The following SPATA13 variants were observed in gnomAD, a reference collection of about 807,000 sequenced individuals.
The protein encoded by SPATA13 is spermatogenesis associated 13.
A neutral mutation model predicts 104.0 loss-of-function variants in SPATA13; 50 were observed. That is an observed-to-expected ratio of 0.48 (90% CI 0.38 to 0.61). SPATA13 has a LOEUF of 0.61. Among genes scored for constraint, SPATA13 ranks in the 20% least tolerant of loss-of-function variants. The probability of loss-of-function intolerance (pLI) is 0.00; values close to 1 mark genes in which losing one functional copy is unlikely to be tolerated. For synonymous variants in SPATA13, 606 were observed against 667.5 expected (o/e 0.91, Z 1.42); for missense variants, 1,524 against 1,690.6 (o/e 0.90, Z 1.73).
rs10625714 is a variant in SPATA13 at position 24,247,478 on chromosome 13, C to CTTTTTTTTTTTTTTTT, written c.1654-1995_1654-1980dup. On this transcript the variant is annotated intron_variant, in intron 2 of 12. Transcript: ENST00000382108. The stretch of plus-strand genomic sequence containing the variant: ...CACTGTGCTCTTTGCTCCACATTCA[C>CTTTTTTTTTTTTTTTT]TTTTTTTTTTTTTTTTTTTGAGACA... 3.0e-4 allele frequency among the ~76,000 whole-genome samples: 26 copies of CTTTTTTTTTTTTTTTT among 87,122 alleles called. 2 individuals carry two copies. Among genetic ancestry groups the CTTTTTTTTTTTTTTTT allele is most frequent in the East Asian group, 9.1e-4 (2 of 2,190 alleles). 57.2% of individuals were successfully genotyped at this position (87,122 alleles called of 152,430 possible). A position where few individuals can be genotyped will look rare whatever the true frequency, so the allele number is the denominator to read the frequency against.
At chr13:24,282,867 C>T (rs1875647911) in intron 4 of SPATA13, among the ~76,000 whole-genome samples, 2 of 152,238 alleles carry the variant, frequency 1.3e-5, no homozygotes, top group South Asian at 4.1e-4. Context: ...CCCATGCCCA[C>T]AGAAGGGCAG....
At chr13:24,116,713 A>G (rs1880851311) in intron 3 of SPATA13, among the ~76,000 whole-genome samples, 1 of 151,134 alleles carries the variant, frequency 6.6e-6, no homozygotes. Context: ...TTAGGGGTTC[A>G]CCATTGCCAT....
At chr13:24,135,154 A>T (rs1310539659) in intron 3 of SPATA13, among the ~76,000 whole-genome samples, 1 of 152,188 alleles carries the variant, frequency 6.6e-6, no homozygotes, top group Non-Finnish European at 1.5e-5. Flanking sequence ...TTTCTATTGT[A>T]TAAGCCACCT....
At chr13:24,037,560 C>T (rs1337309153) in intron 3 of SPATA13, among the ~76,000 whole-genome samples, 1 of 150,208 alleles carries the variant, frequency 6.7e-6, no homozygotes, top group East Asian at 2.0e-4. Flanking sequence ...GGTGTGCACA[C>T]CACCACACCT....
In SPATA13 at chr13:24,160,860, G is replaced by T; in HGVS notation, c.-184G>T. 1 of 984,854 alleles carries T rather than the reference G, an allele frequency of 1.0e-6. No homozygotes were observed. Among genetic ancestry groups the T allele is most frequent in the Non-Finnish European group, 1.2e-6 (1 of 829,412 alleles). 61.0% of individuals were successfully genotyped at this position (984,854 alleles called of 1,614,324 possible). A position where few individuals can be genotyped will look rare whatever the true frequency, so the allele number is the denominator to read the frequency against. ...GCGACCTCGGGGCTCCGCCGGCACCGGAGGTGGCTCTGAGGGCAGGGACGT... is the reference window on the plus strand; with the variant it reads ...GCGACCTCGGGGCTCCGCCGGCACCTGAGGTGGCTCTGAGGGCAGGGACGT... On this transcript the variant is annotated 5_prime_UTR_variant, in exon 1 of 13. Transcript: ENST00000382108.
At chr13:24,065,209 AC>A (rs1878909798) in intron 3 of SPATA13, among the ~76,000 whole-genome samples, 1 of 152,170 alleles carries the variant, frequency 6.6e-6, no homozygotes, top group South Asian at 2.1e-4. Context: ...TAGGAAAGAA[AC>A]TTTTCAGGTG....
intron 3 of SPATA13, among the ~76,000 whole-genome samples, chr13:24,059,222 C>T (rs561432464): frequency 2.0e-5 from 3 of 151,806 alleles, no homozygotes; most frequent in East Asian, 1.9e-4. Context: ...CCACCCCCCT[C>T]GGCCTCCTAA....
chr13:24,263,922 G>A (rs564422997), intron 4 of SPATA13, among the ~76,000 whole-genome samples: 1 of 152,208 alleles, frequency 6.6e-6, no homozygotes, highest in Non-Finnish European at 1.5e-5. Flanking sequence ...AGAGTCCGAA[G>A]GAATTTAGAA....
chr13:24,052,892 T>A (rs1394511193), intron 3 of SPATA13, among the ~76,000 whole-genome samples: 1 of 47,680 alleles, frequency 2.1e-5, no homozygotes, highest in Non-Finnish European at 4.2e-5. Context: ...TCATGCTTTC[T>A]GTGGAAAATT....
chr13:24,234,374 A>G (rs899689760), intron 2 of SPATA13, among the ~76,000 whole-genome samples: 7 of 152,164 alleles, frequency 4.6e-5, no homozygotes, highest in African/African-American at 1.4e-4. Context: ...CAGAGGGGGA[A>G]TTTTAGCTTG....
chr13:24,231,014 G>T (rs1161521585), intron 2 of SPATA13, among the ~76,000 whole-genome samples: 1 of 152,120 alleles, frequency 6.6e-6, no homozygotes, highest in African/African-American at 2.4e-5. Flanking sequence ...GGGAAATGTA[G>T]TGTGTGCAGC....
At chr13:23,984,842 G>GCA (rs368658748) in intron 2 of SPATA13, among the ~76,000 whole-genome samples, 5 of 152,316 alleles carry the variant, frequency 3.3e-5, no homozygotes, top group African/African-American at 1.2e-4. Context: ...ATTGGTGCCA[G>GCA]CACTTGGAGT....
chr13:24,156,382 G>C (rs189591978), upstream of SPATA13, among the ~76,000 whole-genome samples: 54 of 152,194 alleles, frequency 3.5e-4, no homozygotes, highest in East Asian at 8.1e-3. Flanking sequence ...CCCTGTCTCC[G>C]AGCAGACAGG....
intron 4 of SPATA13, among the ~76,000 whole-genome samples, chr13:24,258,918 T>C (rs1028038049): frequency 6.6e-6 from 1 of 152,192 alleles, no homozygotes; most frequent in Non-Finnish European, 1.5e-5. Context: ...CGTCAGGAGC[T>C]TTGTCAGGGC....
chr13:24,229,783 T>A (rs1207738847), intron 2 of SPATA13, among the ~76,000 whole-genome samples: 4 of 152,198 alleles, frequency 2.6e-5, no homozygotes, highest in Admixed American at 1.3e-4. Context: ...ACCAAATTTG[T>A]TGAACACATG....
In SPATA13 at chr13:24,135,860, G is replaced by A. The variant is rs966619988; in HGVS notation, c.-111-86959G>A. Among the ~76,000 whole-genome samples, 6 of 152,276 alleles carry A rather than the reference G, an allele frequency of 3.9e-5. No homozygotes were observed. In the South Asian group the frequency reaches 6.2e-4, roughly 16 times the overall value. On this transcript the variant is annotated intron_variant, in intron 3 of 14. Coordinates refer to the SPATA13 transcript ENST00000424834. ...GCTTGCAAGCTTAGGATCATCTGGA[G>A]TGATTCCTCAGCCCGACCTGAGGCA...
chr13:24,103,458 C>T lies in SPATA13; in HGVS notation c.-112+85757C>T, dbSNP rs1880321408. The stretch of plus-strand genomic sequence containing the variant: ...TGTGATTACACCACTGTACTCCAGC[C>T]TGGGCAACAGAGCAAGACCCTGTCT... On this transcript the variant is annotated intron_variant, in intron 3 of 14. Transcript: ENST00000424834. 6.4e-5 allele frequency among the ~76,000 whole-genome samples: 7 copies of T among 110,110 alleles called. 1 individual carries two copies. In the Admixed American group the frequency reaches 8.7e-4, roughly 14 times the overall value. The allele number at this position is 110,110 out of a possible 152,430, so 72.2% of individuals were successfully genotyped here.
intron 1 of SPATA13, among the ~76,000 whole-genome samples, chr13:24,220,499 T>G (rs1871519014): frequency 6.6e-6 from 1 of 152,218 alleles, no homozygotes; most frequent in South Asian, 2.1e-4. Flanking sequence ...AAATTCCCTA[T>G]CCCTTCTAGA....
At position 24,295,272 on chromosome 13, in the gene SPATA13, G is replaced by A. The variant is rs77897667; in HGVS notation, c.3210+404G>A. Reference sequence around the variant, plus strand: ...ATTAATTTTTTTATCTTATAAATTGGGGAGGAAAATATTACCTACCTCATA... The same window carrying A: ...ATTAATTTTTTTATCTTATAAATTGAGGAGGAAAATATTACCTACCTCATA... On this transcript the variant is annotated intron_variant, in intron 10 of 12. Coordinates refer to ENST00000382108, the MANE Select transcript of SPATA13 (RefSeq NM_001166271.3). Among the ~76,000 whole-genome samples, 595 of 152,082 alleles carry A rather than the reference G, an allele frequency of 3.9e-3. 3 individuals carry two copies. The highest frequency in any genetic ancestry group is 0.014 in the African/African-American group (569 of 41,458).
Sources: gnomAD v4.1 joint callset for allele counts (sites outside exome capture counted in the v4.1 genomes callset) on GRCh38, gnomAD v4.1.1 for gene constraint, MANE v1.5 for transcripts, NCBI Gene and HGNC (gene_info 2026-07-23, HGNC 2026-07-21) for gene names.